Variants in ABAT observed in about 807,000 individuals in gnomAD.
ABAT encodes 4-aminobutyrate aminotransferase, also known as 4-aminobutyrate aminotransferase, mitochondrial.
A neutral mutation model predicts 64.6 loss-of-function variants in ABAT; 45 were observed. The observed-to-expected ratio is 0.70, with a 90% CI of 0.55 to 0.89. The LOEUF is 0.89. ABAT is among the 40% of genes least tolerant of loss of function. ABAT has a pLI of 0.00. For missense variants in ABAT, 633 were observed against 658.4 expected (o/e 0.96, Z 0.42); for synonymous variants, 297 against 250.5 (o/e 1.19, Z -1.75).
At chr16:8,676,827 T>A (rs2057213766) in intron 1 of ABAT, among the ~76,000 whole-genome samples, 1 of 152,186 alleles carries the variant, frequency 6.6e-6, no homozygotes, top group South Asian at 2.1e-4. Flanking sequence ...GGCTTTGAGT[T>A]CCCTGCACAT....
intron 1 of ABAT, among the ~76,000 whole-genome samples, chr16:8,675,555 C>G (rs1194682256): frequency 6.6e-6 from 1 of 152,196 alleles, no homozygotes; most frequent in Admixed American, 6.5e-5. Context: ...CACTCCCACA[C>G]CTGGCTGCCC....
At chr16:8,738,618 T>G (rs2059059303) in intron 2 of ABAT, among the ~76,000 whole-genome samples, 1 of 138,222 alleles carries the variant, frequency 7.2e-6, no homozygotes, top group African/African-American at 3.2e-5. Flanking sequence ...TTGTTTTTGT[T>G]TTTGTTTTTG....
intron 6 of ABAT, among the ~76,000 whole-genome samples, chr16:8,761,513 C>T (rs558967102): frequency 6.6e-6 from 1 of 152,328 alleles, no homozygotes; most frequent in East Asian, 1.9e-4. Flanking sequence ...ATGTGCCAAG[C>T]ACTCTTTTTG....
At chr16:8,721,969 A>G (rs2058385136) in intron 1 of ABAT, among the ~76,000 whole-genome samples, 1 of 152,262 alleles carries the variant, frequency 6.6e-6, no homozygotes, top group South Asian at 2.1e-4. Flanking sequence ...AACTTACTTC[A>G]GGCCCACTGC....
intron 1 of ABAT, among the ~76,000 whole-genome samples, chr16:8,687,809 T>C (rs890093162): frequency 2.2e-4 from 34 of 152,176 alleles, no homozygotes; most frequent in Non-Finnish European, 1.0e-4. Flanking sequence ...CTCAGTTTCC[T>C]CACCTGTAAA....
intron 1 of ABAT, among the ~76,000 whole-genome samples, chr16:8,676,909 G>C (rs2057215384): frequency 6.6e-6 from 1 of 152,186 alleles, no homozygotes; most frequent in Non-Finnish European, 1.5e-5. Flanking sequence ...TGAAATTCTG[G>C]CAGATTCTCT....
At chr16:8,775,565 T>TAC (rs3069345) in intron 13 of ABAT, among the ~76,000 whole-genome samples, 14,407 of 150,980 alleles carry the variant, frequency 0.095, 1,128 homozygotes, top group African/African-American at 0.21. Context: ...CATACAGATT[T>TAC]ACACACACAC....
intron 6 of ABAT, among the ~76,000 whole-genome samples, chr16:8,763,139 C>G (rs1426071521): frequency 1.3e-5 from 2 of 149,988 alleles, no homozygotes; most frequent in Non-Finnish European, 2.9e-5. Context: ...CCAGGCAAGC[C>G]AAGGTCTCTG....
chr16:8,722,937 C>A, intron 1 of ABAT: 1 of 1,157,424 alleles, frequency 8.6e-7, no homozygotes, highest in Non-Finnish European at 1.1e-6. Flanking sequence ...TCCGAACGGG[C>A]CTTAGAAACA....
chr16:8,747,076 A>G (rs2059354011), intron 3 of ABAT, among the ~76,000 whole-genome samples: 1 of 152,166 alleles, frequency 6.6e-6, no homozygotes, highest in Non-Finnish European at 1.5e-5. Flanking sequence ...AGAACATGGT[A>G]TAGTTCTGCT....
intron 1 of ABAT, among the ~76,000 whole-genome samples, chr16:8,727,968 G>A (rs539726424): frequency 4.6e-5 from 7 of 152,308 alleles, no homozygotes; most frequent in African/African-American, 7.2e-5. Flanking sequence ...CTACTTGGAC[G>A]GCTGAGATGG....
intron 11 of ABAT, among the ~76,000 whole-genome samples, chr16:8,770,754 T>C (rs1235251241): frequency 6.6e-6 from 1 of 152,226 alleles, no homozygotes; most frequent in Non-Finnish European, 1.5e-5. Context: ...AGTCACGTTT[T>C]TTAAAATTAC....
chr16:8,690,712 G>A (rs1480201968), intron 1 of ABAT, among the ~76,000 whole-genome samples: 3 of 152,170 alleles, frequency 2.0e-5, no homozygotes, highest in Admixed American at 2.0e-4. Flanking sequence ...TGCACCAAGT[G>A]GAGTAATTAA....
At position 8,709,945 on chromosome 16, in the gene ABAT, A is replaced by AGTAGCTGG. The variant is rs1260020873; in HGVS notation, c.-41-25753_-41-25752insTAGCTGGG. Among the ~76,000 whole-genome samples the AGTAGCTGG allele has an allele frequency of 5.9e-5, 9 of 152,088 alleles. No individual in the cohort carries two copies. The East Asian group carries it at 1.7e-3, about 29-fold the overall frequency. ...CCGCCGCCTGAGTAGCTGGGACTAC[A>AGTAGCTGG]GACGTATGCTGCCACTCATAGCTGA... is the stretch of plus-strand genomic sequence containing the variant. On this transcript the variant is annotated intron_variant, in intron 1 of 15. Coordinates refer to ENST00000268251, the MANE Select transcript of ABAT (RefSeq NM_020686.6).
chr16:8,756,473 G>C (rs576986258), intron 5 of ABAT, among the ~76,000 whole-genome samples: 16 of 151,890 alleles, frequency 1.1e-4, no homozygotes, highest in African/African-American at 3.9e-4. Context: ...ATAGGTAAAC[G>C]TGTGCCATGG....
intron 14 of ABAT, among the ~76,000 whole-genome samples, chr16:8,778,788 AC>A (rs201296986): frequency 6.6e-6 from 1 of 151,654 alleles, no homozygotes; most frequent in African/African-American, 2.4e-5. Flanking sequence ...AAAAAAAAAA[AC>A]AAAAAACAAA....
chr16:8,711,655 A>T (rs1036132619), intron 1 of ABAT, among the ~76,000 whole-genome samples: 2 of 141,624 alleles, frequency 1.4e-5, no homozygotes, highest in African/African-American at 5.5e-5. Flanking sequence ...AGTGTCCATG[A>T]GCTCTCCCAG....
intron 1 of ABAT, among the ~76,000 whole-genome samples, chr16:8,721,575 C>T (rs567016531): frequency 7.9e-5 from 12 of 152,144 alleles, no homozygotes; most frequent in Middle Eastern, 3.2e-3. Flanking sequence ...GCTTCTGAAC[C>T]GGTTTTATAA....
chr16:8,704,566 G>A (rs769741251), intron 1 of ABAT, among the ~76,000 whole-genome samples: 10 of 152,206 alleles, frequency 6.6e-5, no homozygotes, highest in South Asian at 2.1e-4. Flanking sequence ...AAAATGCAAC[G>A]GTGCTAAACA....
Sources: gnomAD v4.1 joint callset for allele counts (sites outside exome capture counted in the v4.1 genomes callset) on GRCh38, gnomAD v4.1.1 for gene constraint, MANE v1.5 for transcripts, NCBI Gene and HGNC (gene_info 2026-07-23, HGNC 2026-07-21) for gene names.